ME2: variants seen among roughly 807,000 people sequenced by gnomAD.
ME2 encodes NAD-dependent malic enzyme, mitochondrial.
ME2 carries 60 observed loss-of-function variants against 73.7 expected under a neutral mutation model. The observed-to-expected ratio is 0.81, with a 90% CI of 0.66 to 1.01. ME2 has a LOEUF of 1.01. Ranked by LOEUF, ME2 falls within the 50% of genes least tolerant of loss-of-function variation. The pLI, the probability that ME2 is intolerant of heterozygous loss-of-function variation, is 0.00. For synonymous variants in ME2, 199 were observed against 236.9 expected (o/e 0.84, Z 1.47); for missense variants, 594 against 705.5 (o/e 0.84, Z 1.79).
intron 2 of ME2, among the ~76,000 whole-genome samples, 190 bp downstream of exon 2, chr18:50,896,118 C>T (rs904542686): frequency 6.6e-6 from 1 of 152,124 alleles, no homozygotes; most frequent in Admixed American, 6.6e-5. Flanking sequence ...CAATTTCATC[C>T]TCATGACTTT....
At position 50,917,360 on chromosome 18, in the gene ME2, C is replaced by G. The variant is rs1384453651; in HGVS notation, c.482C>G (p.Thr161Ser). Reference sequence around the variant, plus strand: ...TTTGTGATTAAGGCTGTTGTAGTGACTGATGGAGAGAGAATTCTGGGTCTT... The same window carrying G: ...TTTGTGATTAAGGCTGTTGTAGTGAGTGATGGAGAGAGAATTCTGGGTCTT... ...PENHVKAVVVTDGERILGLGD... is the reference protein window; with the variant it reads ...PENHVKAVVVSDGERILGLGD... The change falls in exon 6 of 16, where the codon ACT becomes AGT. Residue 161 changes from threonine (T) to serine (S), a missense_variant. Thr to Ser is a moderately conservative substitution (Grantham distance 58). Transcript: ENST00000321341. 3.1e-6 allele frequency: 5 copies of G among 1,612,752 alleles called. No homozygotes were observed. The highest frequency in any genetic ancestry group is 1.7e-5 in the Admixed American group (1 of 59,954).
intron 13 of ME2, among the ~76,000 whole-genome samples, chr18:50,936,868 T>TTA (rs749478934): frequency 1.3e-5 from 2 of 152,056 alleles, no homozygotes; most frequent in Non-Finnish European, 2.9e-5. Flanking sequence ...GAGTTTGAGG[T>TTA]TACAGCAAGC....
chr18:50,908,990 G>C (rs1443156841), intron 3 of ME2, among the ~76,000 whole-genome samples: 1 of 134,258 alleles, frequency 7.4e-6, no homozygotes, highest in Non-Finnish European at 1.6e-5. Flanking sequence ...GTCTCACTCT[G>C]TTGCCCAGGC....
intron 1 of ME2, among the ~76,000 whole-genome samples, chr18:50,888,563 CTTTATT>C (rs1320071040): frequency 6.6e-6 from 1 of 151,202 alleles, no homozygotes; most frequent in East Asian, 1.9e-4. Context: ...TGTTTCTGGG[CTTTATT>C]TTTTTTTCAT....
intron 7 of ME2, among the ~76,000 whole-genome samples, chr18:50,918,516 G>A (rs566477680): frequency 1.4e-4 from 22 of 151,976 alleles, no homozygotes; most frequent in South Asian, 2.1e-4. Context: ...TCAGGCTCAC[G>A]CCCACCATTC....
chr18:50,925,007 C>G (rs1431482816), intron 11 of ME2, among the ~76,000 whole-genome samples: 1 of 151,974 alleles, frequency 6.6e-6, no homozygotes, highest in African/African-American at 2.4e-5. Flanking sequence ...CTCCCCACCC[C>G]CTAACAACCA....
intron 1 of ME2, among the ~76,000 whole-genome samples, chr18:50,892,340 A>T (rs551355511): frequency 6.6e-6 from 1 of 152,158 alleles, no homozygotes; most frequent in Non-Finnish European, 1.5e-5. Flanking sequence ...GTGCCACTGC[A>T]CTCTAGCCTG....
intron 4 of ME2, among the ~76,000 whole-genome samples, chr18:50,914,092 C>T (rs943493589): frequency 2.0e-5 from 3 of 152,096 alleles, no homozygotes; most frequent in East Asian, 3.9e-4. Flanking sequence ...ATGTTGATCT[C>T]TGCCAACTTT....
At chr18:50,888,610 C>G (rs374353497) in intron 1 of ME2, among the ~76,000 whole-genome samples, 2 of 151,786 alleles carry the variant, frequency 1.3e-5, no homozygotes, top group African/African-American at 4.8e-5. Context: ...TAGGTGATGT[C>G]TAAGACTCGT....
At chr18:50,926,419 C>T (rs1272538483) in intron 12 of ME2, among the ~76,000 whole-genome samples, 1 of 152,084 alleles carries the variant, frequency 6.6e-6, no homozygotes, top group Non-Finnish European at 1.5e-5. Flanking sequence ...CTTTTGTTTT[C>T]TTTTTGATGA....
At chr18:50,904,148 A>G (rs1916954639) in intron 2 of ME2, among the ~76,000 whole-genome samples, 2 of 151,936 alleles carry the variant, frequency 1.3e-5, no homozygotes, top group South Asian at 4.1e-4. Flanking sequence ...TGTTTTGTCT[A>G]TTGTTAGTAT....
At chr18:50,926,992 G>GT (rs924599405) in intron 12 of ME2, among the ~76,000 whole-genome samples, 24 of 151,930 alleles carry the variant, frequency 1.6e-4, no homozygotes, top group East Asian at 1.2e-3. Flanking sequence ...TTCTAAGGCT[G>GT]TTTTTTTTGA....
At chr18:50,912,233 T>TA (rs1917173760) in intron 3 of ME2, among the ~76,000 whole-genome samples, 1 of 152,200 alleles carries the variant, frequency 6.6e-6, no homozygotes, top group Admixed American at 6.6e-5. Context: ...TCTCTAAATT[T>TA]AAAAACAAGT....
intron 2 of ME2, among the ~76,000 whole-genome samples, chr18:50,907,598 A>T (rs1022276702): frequency 6.6e-6 from 1 of 152,194 alleles, no homozygotes; most frequent in Non-Finnish European, 1.5e-5. Context: ...CATTTCTTCT[A>T]TCCCCTTTTA....
chr18:50,940,451 GTTTA>G, intron 15 of ME2, 65 bp downstream of exon 15: 1 of 1,089,486 alleles, frequency 9.2e-7, no homozygotes, highest in Non-Finnish European at 1.4e-6. Flanking sequence ...AGAAATACAG[GTTTA>G]TTAAGATAAA....
At chr18:50,890,399 C>G (rs1916579563) in intron 1 of ME2, among the ~76,000 whole-genome samples, 1 of 152,132 alleles carries the variant, frequency 6.6e-6, no homozygotes, top group Non-Finnish European at 1.5e-5. Flanking sequence ...CAGGCATGCA[C>G]CACTGTGCAG....
intron 1 of ME2, among the ~76,000 whole-genome samples, chr18:50,880,716 C>T (rs532237075): frequency 4.4e-4 from 67 of 152,246 alleles, no homozygotes; most frequent in Admixed American, 6.5e-5. Context: ...CCGCGCCTAG[C>T]TCCTAATATG....
chr18:50,950,865 G>A lies in ME2; in HGVS notation c.*3681G>A, dbSNP rs902819824. The A allele has an allele frequency of 1.3e-5, 2 of 152,164 alleles. No individual in the cohort carries two copies. Among genetic ancestry groups the A allele is most frequent in the African/African-American group, 2.4e-5 (1 of 41,426 alleles). 9.4% of individuals were successfully genotyped at this position (152,164 alleles called of 1,614,324 possible). Reference sequence around the variant, plus strand: ...AGTGAACAACATGCTGAGAGGCATTGCTCCAGGATACTGCATGTAGTGAGC... The same window carrying A: ...AGTGAACAACATGCTGAGAGGCATTACTCCAGGATACTGCATGTAGTGAGC... On this transcript the variant is annotated 3_prime_UTR_variant, in exon 16 of 16. Transcript: ENST00000321341.
chr18:50,936,279 C>T (rs894551187), intron 13 of ME2, among the ~76,000 whole-genome samples: 5 of 152,022 alleles, frequency 3.3e-5, no homozygotes, highest in African/African-American at 1.2e-4. Context: ...AAATATCCTT[C>T]AAGAATTAAA....
Sources: gnomAD v4.1 joint callset for allele counts (sites outside exome capture counted in the v4.1 genomes callset) on GRCh38, gnomAD v4.1.1 for gene constraint, MANE v1.5 for transcripts, NCBI Gene and HGNC (gene_info 2026-07-23, HGNC 2026-07-21) for gene names.